Variants in WRN observed in about 807,000 individuals in gnomAD.
WRN encodes WRN RecQ like helicase, also known as bifunctional 3'-5' exonuclease/ATP-dependent helicase WRN.
Under a neutral mutation model 180.7 loss-of-function variants are expected in WRN, and 149 were observed. The observed-to-expected ratio is 0.82, with a 90% CI of 0.72 to 0.94. The LOEUF (loss-of-function observed/expected upper bound fraction) is 0.94. WRN is among the 40% of genes least tolerant of loss of function. The probability of loss-of-function intolerance (pLI) is 0.00; values close to 1 mark genes in which losing one functional copy is unlikely to be tolerated. For synonymous variants in WRN, 548 were observed against 568.9 expected, an observed-to-expected ratio of 0.96 and a Z score of 0.52; for missense variants, 1,661 against 1,700.1, an observed-to-expected ratio of 0.98 and a Z score of 0.40.
Position 31,140,003 on chromosome 8 carries a change from G to GTTTTTTTTTTTT in WRN, c.2968-1408_2968-1397dup, listed in dbSNP as rs71539917. On this transcript the variant is annotated intron_variant, in intron 24 of 34. Coordinates refer to ENST00000298139, the MANE Select transcript of WRN (RefSeq NM_000553.6). ...AAGCTCTATGTTTGTATACTTCTTT[G>GTTTTTTTTTTTT]TTTTTTTTTTTTTTTTTTTTTTTTT... Among the ~76,000 whole-genome samples the GTTTTTTTTTTTT allele has an allele frequency of 7.2e-4, 45 of 62,102 alleles. 6 individuals carry two copies. Among genetic ancestry groups the GTTTTTTTTTTTT allele is most frequent in the Non-Finnish European group, 8.4e-4 (29 of 34,592 alleles). The allele number at this position is 62,102 out of a possible 152,430, so 40.7% of individuals were successfully genotyped here. A position where few individuals can be genotyped will look rare whatever the true frequency, so the allele number is the denominator to read the frequency against.
At chr8:31,073,922 CT>C (rs1224688738) in intron 7 of WRN, among the ~76,000 whole-genome samples, 175 of 143,968 alleles carry the variant, frequency 1.2e-3, no homozygotes, top group Non-Finnish European at 1.0e-3. Flanking sequence ...CCTTTTCTTT[CT>C]TTTTTTTTTT....
At chr8:31,083,622 A>G (rs1032883893) in intron 9 of WRN, 77 bp from the exon 10 acceptor site, 21 of 1,048,292 alleles carry the variant, frequency 2.0e-5, no homozygotes, top group Admixed American at 5.5e-5. Flanking sequence ...TATCTAGTAT[A>G]TAGGAGCTTT....
chr8:31,081,359 T>C (rs1813305491), intron 9 of WRN, 63 bp downstream of exon 9: 1 of 1,537,062 alleles, frequency 6.5e-7, no homozygotes, highest in Admixed American at 1.8e-5. Context: ...TTTATTCCCG[T>C]AAAGAGACAG....
At chr8:31,100,234 G>A (rs904361492) in intron 17 of WRN, among the ~76,000 whole-genome samples, 5 of 152,082 alleles carry the variant, frequency 3.3e-5, no homozygotes, top group African/African-American at 1.2e-4. Flanking sequence ...TTTGTGTCTG[G>A]TATGGGGGCG....
At chr8:31,121,620 C>T (rs1437488073) in intron 21 of WRN, among the ~76,000 whole-genome samples, 1 of 151,904 alleles carries the variant, frequency 6.6e-6, no homozygotes, top group Non-Finnish European at 1.5e-5. Context: ...AGGGAAATTG[C>T]ACTGAGTAGT....
rs1056118121 is a variant in WRN at position 31,068,238 on chromosome 8, A to G, written c.655-20A>G. 3.8e-6 allele frequency: 6 copies of G among 1,570,604 alleles called. No homozygotes were observed. The Admixed American group carries it at 5.2e-5, about 14-fold the overall frequency. The stretch of plus-strand genomic sequence containing the variant: ...CGGTGATCTTTAGCATACTTTTTAA[A>G]TTTTTCTGTTTTTTTATAGGCTGGT... On this transcript the variant is annotated intron_variant, in intron 6 of 34. Coordinates refer to ENST00000298139, the MANE Select transcript of WRN (RefSeq NM_000553.6).
At chr8:31,037,506 T>C (rs1811494832) in intron 1 of WRN, among the ~76,000 whole-genome samples, 1 of 152,178 alleles carries the variant, frequency 6.6e-6, no homozygotes, top group African/African-American at 2.4e-5. Flanking sequence ...TTTCTTCAAG[T>C]GGTTTCATGG....
rs1159378316 is a variant in WRN at position 31,173,305 on chromosome 8, A to G, written c.*203A>G. 2 of 569,900 alleles carry G rather than the reference A, an allele frequency of 3.5e-6. No individual in the cohort carries two copies. The highest frequency in any genetic ancestry group is 3.0e-5 in the East Asian group (1 of 33,508). 35.3% of individuals were successfully genotyped at this position (569,900 alleles called of 1,614,324 possible). ...GTCTTCTGGGAGCCTACGTGAGTAC[A>G]TCACCTAACAGAATATTAAATTAGA... is the stretch of plus-strand genomic sequence containing the variant. On this transcript the variant is annotated 3_prime_UTR_variant, in exon 35 of 35. Transcript: ENST00000298139.
At chr8:31,075,418 A>G (rs1311730522) in intron 7 of WRN, among the ~76,000 whole-genome samples, 1 of 152,278 alleles carries the variant, frequency 6.6e-6, no homozygotes, top group East Asian at 1.9e-4. Flanking sequence ...AGAAAGGCTT[A>G]CATTTTATTT....
intron 24 of WRN, among the ~76,000 whole-genome samples, chr8:31,136,046 C>T (rs1802386200): frequency 6.6e-6 from 1 of 152,150 alleles, no homozygotes; most frequent in African/African-American, 2.4e-5. Context: ...CACCCAGGCT[C>T]TGGAGTACAG....
intron 1 of WRN, among the ~76,000 whole-genome samples, chr8:31,036,171 C>T (rs1811448022): frequency 6.6e-6 from 1 of 152,230 alleles, no homozygotes; most frequent in South Asian, 2.1e-4. Context: ...CAGTTCCATT[C>T]ATGTTGCTGC....
chr8:31,083,111 T>G (rs1444785148), intron 9 of WRN, among the ~76,000 whole-genome samples: 1 of 152,212 alleles, frequency 6.6e-6, no homozygotes, highest in Admixed American at 6.5e-5. Context: ...CCCATCTCGT[T>G]GGACACTTGG....
chr8:31,057,770 A>T (rs1812330647), intron 1 of WRN, among the ~76,000 whole-genome samples: 1 of 151,676 alleles, frequency 6.6e-6, no homozygotes, highest in Admixed American at 6.6e-5. Context: ...TGCACACACC[A>T]CGTTTGAGAG....
In WRN at chr8:31,175,684, CAA is replaced by C. The variant is rs548246713; in HGVS notation, c.*2584_*2585del. On this transcript the variant is annotated 3_prime_UTR_variant, in exon 35 of 35. Coordinates refer to ENST00000298139, the MANE Select transcript of WRN (RefSeq NM_000553.6). ...TCTCTTTTCCAACTACGTGCCTGTG[CAA>C]AGTCAGATTTTTTTCATATACTTCA... Among the ~76,000 whole-genome samples the C allele has an allele frequency of 1.8e-3, 267 of 152,240 alleles. No individual in the cohort carries two copies. The highest frequency in any genetic ancestry group is 6.3e-3 in the African/African-American group (261 of 41,540).
At chr8:31,119,574 T>C (rs939952307) in intron 20 of WRN, among the ~76,000 whole-genome samples, 1 of 151,988 alleles carries the variant, frequency 6.6e-6, no homozygotes, top group African/African-American at 2.4e-5. Flanking sequence ...TTTGGCTAGA[T>C]TAGTGTATAC....
chr8:31,163,931 C>A (rs1803742281), intron 33 of WRN, among the ~76,000 whole-genome samples: 1 of 151,464 alleles, frequency 6.6e-6, no homozygotes, highest in South Asian at 2.1e-4. Flanking sequence ...TAGCTTACTG[C>A]AGCCTTGAAC....
Position 31,173,082 on chromosome 8 carries a change from A to T in WRN, c.4279A>T (p.Arg1427Trp). 4 of 1,613,954 alleles carry T rather than the reference A, an allele frequency of 2.5e-6. No individual in the cohort carries two copies. Among genetic ancestry groups the T allele is most frequent in the Non-Finnish European group, 3.4e-6 (4 of 1,179,898 alleles). The change falls in exon 35 of 35, where the codon AGG (arginine) becomes TGG (tryptophan). Residue 1427 changes from arginine (R) to tryptophan (W), a missense_variant. By Grantham distance (101) the Arg-to-Trp change is moderately radical (BLOSUM62 -3). Transcript: ENST00000298139. Reference protein sequence around the residue: ...TSKKLMDKTKRGGLFS With the variant: ...TSKKLMDKTKWGGLFS The stretch of plus-strand genomic sequence containing the variant: ...CAAGAAATTAATGGACAAAACGAAA[A>T]GGGGAGGTCTTTTTAGTTAAGCTGG...
chr8:31,167,302 G>A (rs753730234), intron 34 of WRN, 72 bp downstream of exon 34: 107 of 1,283,746 alleles, frequency 8.3e-5, no homozygotes, highest in Non-Finnish European at 1.1e-4. Context: ...CTAGAATGCT[G>A]TATTTTTTTG....
At chr8:31,065,702 A>G (rs1374592545) in intron 5 of WRN, among the ~76,000 whole-genome samples, 2 of 152,048 alleles carry the variant, frequency 1.3e-5, no homozygotes, top group Non-Finnish European at 1.5e-5. Context: ...CAGTGAACAT[A>G]TGCGTGCATG....
Sources: allele counts gnomAD v4.1 joint callset (sites outside exome capture counted in the v4.1 genomes callset), GRCh38; gene constraint gnomAD v4.1.1; transcripts MANE v1.5; gene names NCBI Gene and HGNC (gene_info 2026-07-23, HGNC 2026-07-21).